SUCLG2: variants seen among roughly 807,000 people sequenced by gnomAD.
SUCLG2 encodes succinate--CoA ligase [GDP-forming] subunit beta, mitochondrial.
SUCLG2 carries 42 observed loss-of-function variants against 47.9 expected under a neutral mutation model. That is an observed-to-expected ratio of 0.88 (90% confidence interval 0.69 to 1.14). The LOEUF (loss-of-function observed/expected upper bound fraction) is 1.14, where lower values mean the gene tolerates loss of function less well. Among genes scored for constraint, SUCLG2 ranks in the 50% most tolerant of loss-of-function variants. The pLI is 0.00. For missense variants in SUCLG2, 571 were observed against 525.9 expected, an observed-to-expected ratio of 1.09 and a Z score of -0.84; for synonymous variants, 195 against 197.3, an observed-to-expected ratio of 0.99 and a Z score of 0.10.
rs528611340 is a variant in SUCLG2, at chr3:67,539,260, T to C, written c.227-10074A>G. 1.8e-4 allele frequency among the ~76,000 whole-genome samples: 27 copies of C among 152,354 alleles called. No individual in the cohort carries two copies. In the South Asian group the frequency reaches 3.9e-3, roughly 22 times the overall value. On this transcript the variant is annotated intron_variant, in intron 2 of 10. Transcript: ENST00000307227. ...CAATACCTAGTTTATTGAGAGTTTTTAGCACGAACCGGTGTTGATTTTTAT... is the reference window on the plus strand; with the variant it reads ...CAATACCTAGTTTATTGAGAGTTTTCAGCACGAACCGGTGTTGATTTTTAT...
intron 2 of SUCLG2, among the ~76,000 whole-genome samples, chr3:67,554,723 T>C (rs1707110166): frequency 6.6e-6 from 1 of 152,186 alleles, no homozygotes; most frequent in Non-Finnish European, 1.5e-5. Context: ...TGCAATTTCA[T>C]AATGATCACA....
At chr3:67,370,849 G>A (rs1701943275), downstream of SUCLG2, among the ~76,000 whole-genome samples, 1 of 152,164 alleles carries the variant, frequency 6.6e-6, no homozygotes, top group Non-Finnish European at 1.5e-5. Flanking sequence ...ACTACTGTAT[G>A]TGCTGTATGT....
chr3:67,575,376 T>C (rs1707717225), intron 2 of SUCLG2, among the ~76,000 whole-genome samples: 1 of 152,212 alleles, frequency 6.6e-6, no homozygotes, highest in African/African-American at 2.4e-5. Context: ...TCTTGATATA[T>C]GCCAAGTCAT....
chr3:67,383,901 AG>A (rs1702210478), intron 10 of SUCLG2, among the ~76,000 whole-genome samples: 1 of 152,220 alleles, frequency 6.6e-6, no homozygotes, highest in East Asian at 1.9e-4. Context: ...ATTCTTTTAA[AG>A]AAGGGATGTT....
At chr3:67,365,149 T>G (rs1701858333) in intron 10 of SUCLG2, among the ~76,000 whole-genome samples, 1 of 152,102 alleles carries the variant, frequency 6.6e-6, no homozygotes, top group African/African-American at 2.4e-5. Flanking sequence ...GAAAACAACA[T>G]CAGGGACCTG....
chr3:67,557,251 T>C (rs1320867556), intron 2 of SUCLG2, among the ~76,000 whole-genome samples: 2 of 152,210 alleles, frequency 1.3e-5, no homozygotes, highest in Non-Finnish European at 2.9e-5. Context: ...GAAATACTAA[T>C]ATCACATATT....
At chr3:67,400,880 C>A in intron 9 of SUCLG2, 29 bp from the exon 10 acceptor site, 1 of 1,611,548 alleles carries the variant, frequency 6.2e-7, no homozygotes, top group South Asian at 1.1e-5. Flanking sequence ...AGTTACCAAT[C>A]AAAATGCTGA....
chr3:67,504,521 T>G (rs1339632599), intron 7 of SUCLG2, among the ~76,000 whole-genome samples: 1 of 152,352 alleles, frequency 6.6e-6, no homozygotes, highest in East Asian at 1.9e-4. Flanking sequence ...GTGAATGGAT[T>G]TCAGCTTCCA....
chr3:67,642,511 G>A (rs1192841159), intron 1 of SUCLG2, among the ~76,000 whole-genome samples: 1 of 152,146 alleles, frequency 6.6e-6, no homozygotes, highest in Non-Finnish European at 1.5e-5. Flanking sequence ...TCTGGAGGCT[G>A]AGAACAGAGG....
At chr3:67,364,265 T>A (rs917492957) in intron 10 of SUCLG2, among the ~76,000 whole-genome samples, 2 of 152,146 alleles carry the variant, frequency 1.3e-5, no homozygotes, top group African/African-American at 4.8e-5. Context: ...GGTTTGTTGA[T>A]CTCTTCTAGA....
intron 9 of SUCLG2, among the ~76,000 whole-genome samples, chr3:67,436,318 C>T (rs1703619823): frequency 6.6e-6 from 1 of 152,162 alleles, no homozygotes; most frequent in Non-Finnish European, 1.5e-5. Flanking sequence ...CTTTGCCAGA[C>T]ACCCATATCA....
intron 1 of SUCLG2, among the ~76,000 whole-genome samples, chr3:67,618,942 C>T (rs1261360876): frequency 4.6e-5 from 7 of 152,138 alleles, no homozygotes; most frequent in Non-Finnish European, 7.3e-5. Flanking sequence ...ATCAGACCAG[C>T]GTCCGAGACC....
intron 2 of SUCLG2, among the ~76,000 whole-genome samples, chr3:67,585,986 A>AC (rs1276723431): frequency 2.1e-5 from 1 of 46,886 alleles, no homozygotes; most frequent in Non-Finnish European, 6.7e-5. Flanking sequence ...AAAAAAAAAA[A>AC]AAAAACCAAA....
chr3:67,571,930 T>C (rs970720876), intron 2 of SUCLG2, among the ~76,000 whole-genome samples: 25 of 152,314 alleles, frequency 1.6e-4, no homozygotes, highest in Middle Eastern at 3.4e-3. Context: ...TGTGTGTCCA[T>C]TTTCTTCAGA....
chr3:67,627,197 T>TAA (rs55662165), intron 1 of SUCLG2, among the ~76,000 whole-genome samples: 2 of 147,652 alleles, frequency 1.4e-5, no homozygotes, highest in African/African-American at 5.0e-5. Flanking sequence ...GCTTGACCAT[T>TAA]AAAAAAAAAA....
At position 67,470,819 on chromosome 3, in the gene SUCLG2, C is replaced by T. The variant is rs1704586425; in HGVS notation, c.1062+24979G>A. ...GCAGAAAATGAGTTAAGATAAATGC[C>T]TCAGAGTTCTCAGTTGCCACCACTT... On this transcript the variant is annotated intron_variant, in intron 9 of 10. Transcript: ENST00000307227. Among the ~76,000 whole-genome samples the T allele has an allele frequency of 5.3e-5, 8 of 152,312 alleles. No homozygotes were observed. In the South Asian group the frequency reaches 1.7e-3, roughly 32 times the overall value.
At chr3:67,390,187 C>G (rs961180922) in intron 10 of SUCLG2, among the ~76,000 whole-genome samples, 6 of 152,162 alleles carry the variant, frequency 3.9e-5, no homozygotes, top group African/African-American at 1.4e-4. Context: ...TAACTACTAC[C>G]TATTTCCTGT....
intron 6 of SUCLG2, among the ~76,000 whole-genome samples, chr3:67,514,761 G>C (rs981737858): frequency 6.6e-6 from 1 of 152,174 alleles, no homozygotes; most frequent in African/African-American, 2.4e-5. Flanking sequence ...AAGATCCTTG[G>C]ATGGAACACA....
chr3:67,538,451 G>C (rs1362588640), intron 2 of SUCLG2, among the ~76,000 whole-genome samples: 2 of 152,130 alleles, frequency 1.3e-5, no homozygotes, highest in Non-Finnish European at 2.9e-5. Context: ...ATGCTGTTTT[G>C]GTTCCTGTAG....
Sources: gnomAD v4.1 joint callset for allele counts (sites outside exome capture counted in the v4.1 genomes callset) on GRCh38, gnomAD v4.1.1 for gene constraint, MANE v1.5 for transcripts, NCBI Gene and HGNC (gene_info 2026-07-23, HGNC 2026-07-21) for gene names.